Variants in ZNF799 observed in about 807,000 individuals in gnomAD.
The protein encoded by ZNF799 is zinc finger protein 14.
In ZNF799, 28 loss-of-function variants were observed where a neutral mutation model predicts 41.0. That is an observed-to-expected ratio of 0.68 (90% CI 0.51 to 0.94). ZNF799 has a LOEUF of 0.94. Among genes scored for constraint, ZNF799 ranks in the 40% least tolerant of loss-of-function variants. The pLI is 0.00. For synonymous variants in ZNF799, 213 were observed against 252.9 expected (o/e 0.84, Z 1.50); for missense variants, 716 against 764.3 (o/e 0.94, Z 0.74).
At position 12,401,106 on chromosome 19, in the gene ZNF799, G is replaced by C. The variant is rs371449385; in HGVS notation, c.-36C>G. 1.4e-5 allele frequency: 22 copies of C among 1,613,388 alleles called. No homozygotes were observed. The highest frequency in any genetic ancestry group is 5.5e-5 in the South Asian group (5 of 91,066). On this transcript the variant is annotated 5_prime_UTR_variant, in exon 1 of 4. Transcript: ENST00000430385. ...CCGCGGTGTCCCAGGTCCTCCGGAC[G>C]GCTCCCGCTGCCAATGCGGGTTCCC...
At chr19:12,411,147 T>C in the ZNF799 span, among the ~76,000 whole-genome samples, 1 of 152,218 alleles carries the variant, frequency 6.6e-6, no homozygotes. Flanking sequence ...GGAAGACTGC[T>C]ATCTGCAAAC....
intron 1 of ZNF799, chr19:12,393,817 A>G (rs1347807132): frequency 5.8e-6 from 6 of 1,032,622 alleles, no homozygotes; most frequent in Non-Finnish European, 7.2e-6. Context: ...GCTTTTTCAC[A>G]AAGTTGGGCT....
chr19:12,404,423 C>T (rs558496878), upstream of ZNF799, among the ~76,000 whole-genome samples: 18 of 152,018 alleles, frequency 1.2e-4, no homozygotes, highest in Non-Finnish European at 2.2e-4. Flanking sequence ...TGGTCTCTCT[C>T]TCTTTTATTT....
chr19:12,394,136 T>C (rs528281452), intron 1 of ZNF799: 1 of 152,504 alleles, frequency 6.6e-6, no homozygotes, highest in African/African-American at 2.4e-5. Flanking sequence ...CATGAATAGA[T>C]TAATCCGTAA....
rs1969822457 is a variant in ZNF799 at position 12,391,699 on chromosome 19, G to C, written c.699C>G (p.Ala233=). 6.2e-7 allele frequency: 1 copy of C among 1,613,816 alleles called. No individual in the cohort carries two copies. The highest frequency in any genetic ancestry group is 1.3e-5 in the African/African-American group (1 of 74,838). Residue 233 remains alanine, a synonymous_variant, in exon 4 of 4, where the codon GCC becomes GCG. Transcript: ENST00000430385. ...KPYECKQCSK[A]FSFYSSYLRH... is the part of the protein sequence containing the mutation. ...TTAGATAGGAACTGTAAAAAGAAAA[G>C]GCTTTAGAACACTGCTTACATTCAT...
At position 12,391,138 on chromosome 19, in the gene ZNF799, G is replaced by T; in HGVS notation, c.1260C>A (p.Pro420=). The change falls in exon 4 of 4, where the codon CCC becomes CCA. Residue 420 remains proline (P), a synonymous_variant. Coordinates refer to ENST00000430385, the MANE Select transcript of ZNF799 (RefSeq NM_001080821.3). ...RHEKTHTAEK[P]YKCKQCGKAY... Reference sequence around the variant, plus strand: ...CTTTGCCACATTGTTTACATTTATAGGGTTTCTCTGCAGTGTGAGTCTTTT... The same window carrying T: ...CTTTGCCACATTGTTTACATTTATATGGTTTCTCTGCAGTGTGAGTCTTTT... 6.2e-7 allele frequency: 1 copy of T among 1,614,132 alleles called. No homozygotes were observed. The highest frequency in any genetic ancestry group is 8.5e-7 in the Non-Finnish European group (1 of 1,179,998).
At chr19:12,401,414 G>A, upstream of ZNF799, 1 of 541,468 alleles carries the variant, frequency 1.8e-6, no homozygotes, top group Non-Finnish European at 3.1e-6. Flanking sequence ...TGGCAGGGCG[G>A]GCTTCCTCCC....
Position 12,391,754 on chromosome 19 carries a change from T to A in ZNF799, c.644A>T (p.His215Leu), listed in dbSNP as rs1254183128. ...AFFWPSLLHM[H>L]ERTHTGEKPY... ...TTTCTCTCCAGTGTGCGTTCTCTCA[T>A]GCATATGTAATAAACTGGGCCAAAA... Residue 215 changes from histidine (H) to leucine (L), a missense_variant, in exon 4 of 4, where the codon CAT (histidine) becomes CTT (leucine). His to Leu is a moderately conservative substitution (Grantham distance 99). Around this residue, in one of 2 missense-constraint regions of ZNF799, gnomAD observed 698 missense variants for 713.6 expected, o/e 0.98. Transcript: ENST00000430385. The A allele has an allele frequency of 6.2e-7, 1 of 1,614,062 alleles. No homozygotes were observed. The highest frequency in any genetic ancestry group is 2.2e-5 in the East Asian group (1 of 44,888).
chr19:12,401,540 A>ATTT (rs1969986234), upstream of ZNF799, among the ~76,000 whole-genome samples: 1 of 72,838 alleles, frequency 1.4e-5, no homozygotes, highest in African/African-American at 5.8e-5. Context: ...AAACAATTAT[A>ATTT]CTTTTTTTTT....
At chr19:12,396,955 C>A (rs961434907) in intron 1 of ZNF799, among the ~76,000 whole-genome samples, 1 of 152,102 alleles carries the variant, frequency 6.6e-6, no homozygotes, top group African/African-American at 2.4e-5. Flanking sequence ...CAAATATATA[C>A]ATATGCATAT....
rs560781674 is a variant in ZNF799, at chr19:12,391,750, C to T, written c.648G>A (p.Glu216=). 2.2e-4 allele frequency: 361 copies of T among 1,613,386 alleles called. No individual in the cohort carries two copies. The highest frequency in any genetic ancestry group is 1.3e-3 in the African/African-American group (95 of 74,736). The change falls in exon 4 of 4, where the codon GAG becomes GAA. Residue 216 remains glutamate, a synonymous_variant. Transcript: ENST00000430385. ...FFWPSLLHMH[E]RTHTGEKPYE... ...ATGGTTTCTCTCCAGTGTGCGTTCT[C>T]TCATGCATATGTAATAAACTGGGCC...
chr19:12,409,752 A>C, the ZNF799 span, among the ~76,000 whole-genome samples: 1 of 152,238 alleles, frequency 6.6e-6, no homozygotes, highest in South Asian at 2.1e-4. Context: ...ACAGTTGAAA[A>C]TCTTCCAGAA....
chr19:12,406,551 T>C, the ZNF799 span, among the ~76,000 whole-genome samples: 4 of 150,428 alleles, frequency 2.7e-5, no homozygotes, highest in Non-Finnish European at 5.9e-5. Context: ...AAAGCAATGA[T>C]GAATAAAGAA....
At chr19:12,402,980 TG>T (rs1970008598), upstream of ZNF799, among the ~76,000 whole-genome samples, 2 of 152,372 alleles carry the variant, frequency 1.3e-5, no homozygotes, top group Middle Eastern at 3.4e-3. Context: ...CCTTCTCCTC[TG>T]TTTTGGAATA....
At chr19:12,407,469 A>G in the ZNF799 span, among the ~76,000 whole-genome samples, 1 of 151,942 alleles carries the variant, frequency 6.6e-6, no homozygotes, top group Non-Finnish European at 1.5e-5. Context: ...TCTAAAAAAA[A>G]AAAGAGAGAG....
chr19:12,392,874 G>C (rs201427938), intron 2 of ZNF799, among the ~76,000 whole-genome samples: 1 of 152,072 alleles, frequency 6.6e-6, no homozygotes, highest in Non-Finnish European at 1.5e-5. Flanking sequence ...ACTAAGACCA[G>C]CCCCTCCTCT....
chr19:12,391,202 C>G lies in ZNF799; in HGVS notation c.1196G>C (p.Gly399Ala). The change falls in exon 4 of 4, where the codon GGG becomes GCG. Residue 399 changes from glycine to alanine, a missense_variant. By Grantham distance (60) the Gly-to-Ala change is moderately conservative. Coordinates refer to ENST00000430385, the MANE Select transcript of ZNF799 (RefSeq NM_001080821.3). ...TACACTGGGATAAACAAAGGCTTTC[C>G]CACATATCTTGCATTTGTGAGGTCC... Reference protein sequence around the residue: ...GDGPHKCKICGKAFVYPSVFQ... With the variant: ...GDGPHKCKICAKAFVYPSVFQ... 6.2e-7 allele frequency: 1 copy of G among 1,614,124 alleles called. No individual in the cohort carries two copies. Among genetic ancestry groups the G allele is most frequent in the Non-Finnish European group, 8.5e-7 (1 of 1,179,990 alleles).
At chr19:12,407,676 G>C in the ZNF799 span, among the ~76,000 whole-genome samples, 1 of 152,136 alleles carries the variant, frequency 6.6e-6, no homozygotes, top group Admixed American at 6.5e-5. Context: ...TATCAACAAT[G>C]TATTGGGTAG....
At chr19:12,401,333 G>A (rs1335505056), upstream of ZNF799, 3 of 1,067,538 alleles carry the variant, frequency 2.8e-6, no homozygotes, top group Non-Finnish European at 3.9e-6. Context: ...GCCCCTCGTG[G>A]ACTGATTGAC....
Sources: allele counts gnomAD v4.1 joint callset (sites outside exome capture counted in the v4.1 genomes callset), GRCh38; gene constraint gnomAD v4.1.1; regional missense constraint gnomAD v4.1.1; transcripts MANE v1.5; gene names NCBI Gene and HGNC (gene_info 2026-07-23, HGNC 2026-07-21).